Variants in TASOR observed in about 807,000 individuals in gnomAD.
The protein encoded by TASOR is transcription activation suppressor.
A neutral mutation model predicts 178.6 loss-of-function variants in TASOR; 53 were observed. The ratio of observed to expected loss-of-function variants is 0.30; its 90% CI spans 0.24 to 0.37. TASOR has a LOEUF of 0.37. Among genes scored for constraint, TASOR ranks in the 10% least tolerant of loss-of-function variants. TASOR has a pLI of 1.00. For missense variants in TASOR, 1,815 were observed against 1,971.4 expected (o/e 0.92, Z 1.50); for synonymous variants, 713 against 696.2 (o/e 1.02, Z -0.38).
At chr3:56,668,759 A>G (rs551723184) in intron 5 of TASOR, among the ~76,000 whole-genome samples, 106 of 152,150 alleles carry the variant, frequency 7.0e-4, no homozygotes, top group South Asian at 1.2e-3. Flanking sequence ...GGATCACCTG[A>G]GGTCAGGAGT....
Position 56,640,134 on chromosome 3 carries a change from A to C in TASOR, c.2620-4T>G. 1.9e-6 allele frequency: 3 copies of C among 1,611,780 alleles called. No individual in the cohort carries two copies. The highest frequency in any genetic ancestry group is 2.5e-6 in the Non-Finnish European group (3 of 1,178,790). ...TCACGCTAATTAAATTTGGATCCTA[A>C]AAATCAAAGTACACACTGAATAGCT... On this transcript the variant is annotated splice_region_variant and splice_polypyrimidine_tract_variant and intron_variant, in intron 15 of 23. Coordinates refer to ENST00000683822, the MANE Select transcript of TASOR (RefSeq NM_001365635.2).
chr3:56,676,234 C>T (rs2031284995), intron 1 of TASOR, among the ~76,000 whole-genome samples: 1 of 152,080 alleles, frequency 6.6e-6, no homozygotes, highest in South Asian at 2.1e-4. Flanking sequence ...ATTAAATAGT[C>T]AAGAAAATGA....
intron 23 of TASOR, chr3:56,623,936 T>TA: frequency 1.1e-6 from 1 of 941,248 alleles, no homozygotes. Flanking sequence ...ACTAGTTGGT[T>TA]AGCACTAAAT....
intron 11 of TASOR, among the ~76,000 whole-genome samples, chr3:56,653,506 A>G (rs1335005218): frequency 6.6e-6 from 1 of 151,890 alleles, no homozygotes; most frequent in African/African-American, 2.4e-5. Flanking sequence ...CCTACAAAGG[A>G]ACAATTAGAC....
At chr3:56,631,187 GC>G (rs2076904489) in intron 18 of TASOR, among the ~76,000 whole-genome samples, 1 of 152,126 alleles carries the variant, frequency 6.6e-6, no homozygotes, top group Admixed American at 6.5e-5. Flanking sequence ...AGTAAGGAAA[GC>G]CCAACACAGT....
Position 56,633,862 on chromosome 3 carries a change from G to A in TASOR, c.2929C>T (p.Pro977Ser), listed in dbSNP as rs1187527946. ...AGTGTGTCTGTAAATGGAGAGGATGGAAACTGGTAATCAGAACTTCTCTGT... is the reference window on the plus strand; with the variant it reads ...AGTGTGTCTGTAAATGGAGAGGATGAAAACTGGTAATCAGAACTTCTCTGT... ...NRQRSSDYQF[P>S]SSPFTDTLKG... The change falls in exon 18 of 24, where the codon CCA (proline) becomes TCA (serine). Residue 977 changes from proline (P) to serine (S), a missense_variant. Transcript: ENST00000683822. The A allele has an allele frequency of 2.5e-6, 4 of 1,612,406 alleles. No homozygotes were observed. Among genetic ancestry groups the A allele is most frequent in the Non-Finnish European group, 3.4e-6 (4 of 1,179,234 alleles).
rs1250777772 is a variant in TASOR, at chr3:56,644,399, A to C, written c.2215+2123T>G. 2.6e-5 allele frequency among the ~76,000 whole-genome samples: 4 copies of C among 152,304 alleles called. No homozygotes were observed. In the East Asian group the frequency reaches 5.8e-4, roughly 22 times the overall value. ...GCAAATCCAGCATAAACTAGAGGAG[A>C]CCATTAAGGAGAATAGACAGAAAGC... On this transcript the variant is annotated intron_variant, in intron 14 of 23. Transcript: ENST00000683822.
chr3:56,639,378 T>A (rs1291893319), intron 16 of TASOR, among the ~76,000 whole-genome samples: 1 of 150,840 alleles, frequency 6.6e-6, no homozygotes, highest in Non-Finnish European at 1.5e-5. Context: ...TGTGTGTATG[T>A]ATGTGTTTGC....
At chr3:56,644,727 AG>A (rs2077200004) in intron 14 of TASOR, among the ~76,000 whole-genome samples, 1 of 152,228 alleles carries the variant, frequency 6.6e-6, no homozygotes, top group African/African-American at 2.4e-5. Context: ...AAAGAGATAA[AG>A]AACACAGACA....
chr3:56,624,530 C>T lies in TASOR; in HGVS notation c.4432G>A (p.Glu1478Lys). Reference protein sequence around the residue: ...NLVGYHNSITEENLPQLGANE... With the variant: ...NLVGYHNSITKENLPQLGANE... Reference sequence around the variant, plus strand: ...GCACCAAGCTGTGGAAGGTTTTCTTCTGTGATTGAATTGTGATAGCCCACA... The same window carrying T: ...GCACCAAGCTGTGGAAGGTTTTCTTTTGTGATTGAATTGTGATAGCCCACA... Residue 1478 changes from glutamate to lysine, a missense_variant, in exon 23 of 24, where the codon GAA becomes AAA. Glu to Lys is a moderately conservative substitution (Grantham distance 56). Coordinates refer to ENST00000683822, the MANE Select transcript of TASOR (RefSeq NM_001365635.2). 6.2e-7 allele frequency: 1 copy of T among 1,614,072 alleles called. No homozygotes were observed. The highest frequency in any genetic ancestry group is 8.5e-7 in the Non-Finnish European group (1 of 1,179,972).
Position 56,632,809 on chromosome 3 carries a change from G to A in TASOR, c.3747+235C>T, listed in dbSNP as rs529544356. On this transcript the variant is annotated intron_variant, in intron 18 of 23. Coordinates refer to ENST00000683822, the MANE Select transcript of TASOR (RefSeq NM_001365635.2). The stretch of plus-strand genomic sequence containing the variant: ...TAGAGTGCCACCACACCTAATTTTT[G>A]TTATTAATTTAAGAGACAATGTCTT... 2.6e-5 allele frequency among the ~76,000 whole-genome samples: 4 copies of A among 152,018 alleles called. No individual in the cohort carries two copies. In the East Asian group the frequency reaches 7.8e-4, roughly 29 times the overall value.
chr3:56,682,871 GGCC>G lies in TASOR; in HGVS notation c.133_135del (p.Gly45del), dbSNP rs771559537. ...CCGCCGCTGGGCTCAGCGATGTTGA[GGCC>G]GCCGCCGCCGCCATTTTGTTGGGAG... On this transcript the variant is annotated inframe_deletion, in exon 1 of 24. Transcript: ENST00000683822. 1.8e-5 allele frequency: 28 copies of G among 1,548,886 alleles called. No homozygotes were observed. The highest frequency in any genetic ancestry group is 1.5e-4 in the East Asian group (6 of 40,850).
Position 56,633,632 on chromosome 3 carries a change from T to C in TASOR, c.3159A>G (p.Ser1053=), listed in dbSNP as rs771469986. 9 of 1,613,990 alleles carry C rather than the reference T, an allele frequency of 5.6e-6. No homozygotes were observed. In the South Asian group the frequency reaches 9.9e-5, roughly 18 times the overall value. Residue 1053 remains serine (S), a synonymous_variant, in exon 18 of 24, where the codon TCA becomes TCG. Transcript: ENST00000683822. ...YVSTVSTPIF[S]TQEKMKRLSE... ...AAAGCCGTTTCATCTTCTCTTGTGTTGAAAAGATAGGTGTGGAAACTGTAC... is the reference window on the plus strand; with the variant it reads ...AAAGCCGTTTCATCTTCTCTTGTGTCGAAAAGATAGGTGTGGAAACTGTAC...
rs892183814 is a variant in TASOR at position 56,682,820 on chromosome 3, C to G, written c.187G>C (p.Ala63Pro). 6.5e-7 allele frequency: 1 copy of G among 1,550,284 alleles called. No individual in the cohort carries two copies. The highest frequency in any genetic ancestry group is 8.7e-7 in the Non-Finnish European group (1 of 1,146,400). ...GGAGREENAG[A>P]EAAQSLSHEQ... ...TGGCTGAGGCTCTGGGCGGCCTCGG[C>G]CCCCGCGTTCTCCTCACGCCCAGCG... The change falls in exon 1 of 24, where the codon GCC (alanine) becomes CCC (proline). Residue 63 changes from alanine to proline, a missense_variant. Ala to Pro is a conservative substitution (Grantham distance 27, BLOSUM62 -1). Transcript: ENST00000683822.
intron 6 of TASOR, among the ~76,000 whole-genome samples, chr3:56,667,209 T>A (rs1387281049): frequency 6.6e-6 from 1 of 152,228 alleles, no homozygotes; most frequent in Non-Finnish European, 1.5e-5. Flanking sequence ...TTGGTGAATA[T>A]AATTTTTGCT....
chr3:56,674,259 G>C (rs542470105), intron 1 of TASOR, among the ~76,000 whole-genome samples: 1 of 149,254 alleles, frequency 6.7e-6, no homozygotes, highest in Non-Finnish European at 1.5e-5. Context: ...CCAGCTCTTT[G>C]GGAGGCCAAG....
chr3:56,674,429 G>C, intron 1 of TASOR, among the ~76,000 whole-genome samples: 1 of 151,798 alleles, frequency 6.6e-6, no homozygotes, highest in East Asian at 1.9e-4. Context: ...AGGATCCTTT[G>C]AGCCCAGGAG....
chr3:56,661,706 A>G (rs1165323061), intron 9 of TASOR, among the ~76,000 whole-genome samples: 1 of 152,178 alleles, frequency 6.6e-6, no homozygotes, highest in African/African-American at 2.4e-5. Flanking sequence ...TTAACTCACC[A>G]AATCAAAGCT....
chr3:56,672,635 T>C (rs2030851146), intron 2 of TASOR, among the ~76,000 whole-genome samples: 1 of 152,234 alleles, frequency 6.6e-6, no homozygotes, highest in Non-Finnish European at 1.5e-5. Context: ...GTTTGAACTT[T>C]TTCACTAAGA....
Sources: gnomAD v4.1 joint callset for allele counts (sites outside exome capture counted in the v4.1 genomes callset) on GRCh38, gnomAD v4.1.1 for gene constraint, MANE v1.5 for transcripts, NCBI Gene and HGNC (gene_info 2026-07-23, HGNC 2026-07-21) for gene names.